UBAC2: variants seen among roughly 807,000 people sequenced by gnomAD.
UBAC2 encodes UBA domain containing 2, also known as ubiquitin-associated domain-containing protein 2.
UBAC2 carries 26 observed loss-of-function variants against 44.0 expected under a neutral mutation model. The ratio of observed to expected loss-of-function variants is 0.59; its 90% confidence interval spans 0.43 to 0.82. The LOEUF (loss-of-function observed/expected upper bound fraction) is 0.82, where lower values mean the gene tolerates loss of function less well. Ranked by LOEUF, UBAC2 falls within the 40% of genes least tolerant of loss-of-function variation. The pLI is 0.00. For missense variants in UBAC2, 329 were observed against 419.4 expected (o/e 0.78, Z 1.88); for synonymous variants, 155 against 154.3 (o/e 1.00, Z -0.04).
intron 1 of UBAC2, among the ~76,000 whole-genome samples, chr13:99,206,600 C>T (rs1449893979): frequency 6.6e-6 from 1 of 152,200 alleles, no homozygotes; most frequent in Non-Finnish European, 1.5e-5. Context: ...GAGCCATGGT[C>T]TCATCCAGAC....
chr13:99,262,068 G>A (rs1443529760), intron 4 of UBAC2, among the ~76,000 whole-genome samples: 1 of 152,202 alleles, frequency 6.6e-6, no homozygotes, highest in Non-Finnish European at 1.5e-5. Context: ...CAGGACATGA[G>A]TCCTCCCTTT....
At chr13:99,268,712 A>G (rs534415698) in intron 4 of UBAC2, among the ~76,000 whole-genome samples, 141 of 151,850 alleles carry the variant, frequency 9.3e-4, no homozygotes, top group South Asian at 1.0e-3. Flanking sequence ...CTGTAGAGGC[A>G]CTGAATGATA....
intron 1 of UBAC2, among the ~76,000 whole-genome samples, chr13:99,205,426 C>T (rs1282915838): frequency 6.6e-6 from 1 of 152,132 alleles, no homozygotes; most frequent in African/African-American, 2.4e-5. Context: ...AACGCTGCTC[C>T]TGTCCCAGCT....
chr13:99,278,831 A>G (rs2043917410), intron 4 of UBAC2, among the ~76,000 whole-genome samples: 1 of 152,212 alleles, frequency 6.6e-6, no homozygotes, highest in Admixed American at 6.5e-5. Context: ...CATATAACTC[A>G]GTTGAAATTT....
intron 6 of UBAC2, among the ~76,000 whole-genome samples, chr13:99,327,032 C>T (rs1382650781): frequency 1.3e-5 from 2 of 152,124 alleles, no homozygotes; most frequent in South Asian, 2.1e-4. Context: ...CTATTTTCTT[C>T]GTAATATGAA....
At chr13:99,292,701 A>G (rs2044107478) in intron 4 of UBAC2, among the ~76,000 whole-genome samples, 1 of 129,158 alleles carries the variant, frequency 7.7e-6, no homozygotes, top group Non-Finnish European at 1.6e-5. Context: ...ACTGATCCAA[A>G]CTAAATAGCT....
At chr13:99,290,186 G>T (rs1193476908) in intron 4 of UBAC2, among the ~76,000 whole-genome samples, 1 of 152,184 alleles carries the variant, frequency 6.6e-6, no homozygotes, top group Non-Finnish European at 1.5e-5. Context: ...AAGTGCGACT[G>T]ATAAATAGAA....
intron 4 of UBAC2, among the ~76,000 whole-genome samples, chr13:99,290,772 G>C (rs1457554104): frequency 6.6e-6 from 1 of 151,668 alleles, no homozygotes; most frequent in African/African-American, 2.4e-5. Flanking sequence ...AGAAAAGATA[G>C]GGAAGAGTGC....
chr13:99,317,743 C>T (rs562194591), intron 5 of UBAC2, among the ~76,000 whole-genome samples: 40 of 152,186 alleles, frequency 2.6e-4, no homozygotes, highest in African/African-American at 9.1e-4. Flanking sequence ...TAAATAACAT[C>T]ATACTTGGGT....
At chr13:99,319,970 A>G (rs1441977215) in intron 6 of UBAC2, among the ~76,000 whole-genome samples, 1 of 152,206 alleles carries the variant, frequency 6.6e-6, no homozygotes, top group Non-Finnish European at 1.5e-5. Flanking sequence ...TTCTGTTTTA[A>G]ATATTTTCCA....
At chr13:99,341,022 A>AT (rs2044877126) in intron 7 of UBAC2, among the ~76,000 whole-genome samples, 1 of 104,928 alleles carries the variant, frequency 9.5e-6, no homozygotes, top group Admixed American at 9.0e-5. Flanking sequence ...CAAGGAGTAG[A>AT]TAAAAAAAAA....
At chr13:99,331,644 G>A (rs1228034316) in intron 6 of UBAC2, among the ~76,000 whole-genome samples, 1 of 152,194 alleles carries the variant, frequency 6.6e-6, no homozygotes, top group East Asian at 1.9e-4. Context: ...AACTGCCAAA[G>A]GCACATGGTT....
chr13:99,230,922 G>C (rs992847418), intron 1 of UBAC2, among the ~76,000 whole-genome samples: 1 of 152,082 alleles, frequency 6.6e-6, no homozygotes, highest in African/African-American at 2.4e-5. Context: ...GGTGGCACGT[G>C]CCTGTAGTCC....
rs763603437 is a variant in UBAC2 at position 99,200,954 on chromosome 13, C to T, written c.31+15C>T. ...CAGTGGGCTCTGTGAGTACCGGCCT[C>T]CGCCATCCTGGCTGCCCCCTACACG... On this transcript the variant is annotated intron_variant, in intron 1 of 8. Transcript: ENST00000403766. The T allele has an allele frequency of 7.7e-7, 1 of 1,306,892 alleles. No individual in the cohort carries two copies. The highest frequency in any genetic ancestry group is 9.8e-7 in the Non-Finnish European group (1 of 1,019,736). The allele number at this position is 1,306,892 out of a possible 1,614,324, so 81.0% of individuals were successfully genotyped here.
intron 5 of UBAC2, among the ~76,000 whole-genome samples, chr13:99,317,414 G>T (rs2044507785): frequency 6.6e-6 from 1 of 152,114 alleles, no homozygotes; most frequent in Non-Finnish European, 1.5e-5. Context: ...ACAAAGGGAA[G>T]AATTTCATGA....
At chr13:99,374,220 C>CT (rs531327295) in intron 8 of UBAC2, among the ~76,000 whole-genome samples, 16 of 151,050 alleles carry the variant, frequency 1.1e-4, no homozygotes, top group East Asian at 3.9e-4. Flanking sequence ...CTTCAGGTTG[C>CT]TTTTTTTTTA....
intron 7 of UBAC2, among the ~76,000 whole-genome samples, chr13:99,365,423 TTAATC>T (rs2045317739): frequency 6.6e-6 from 1 of 152,144 alleles, no homozygotes; most frequent in Non-Finnish European, 1.5e-5. Flanking sequence ...TTTTTTTAAT[TTAATC>T]TCAATATTTA....
rs745377931 is a variant in UBAC2 at position 99,385,221 on chromosome 13, C to T, written c.928-7C>T. 5.6e-6 allele frequency: 9 copies of T among 1,611,600 alleles called. No individual in the cohort carries two copies. Among genetic ancestry groups the T allele is most frequent in the Non-Finnish European group, 6.8e-6 (8 of 1,177,802 alleles). ...CCCTCAGGTTTCTGCGTTTTCTCTG[C>T]CTGCAGGTCGCCCGGCTCATGGAGA... On this transcript the variant is annotated splice_polypyrimidine_tract_variant and splice_region_variant and intron_variant, in intron 8 of 8. Coordinates refer to ENST00000403766, the MANE Select transcript of UBAC2 (RefSeq NM_001144072.2).
At chr13:99,331,127 G>A (rs1384469242) in intron 6 of UBAC2, among the ~76,000 whole-genome samples, 1 of 152,210 alleles carries the variant, frequency 6.6e-6, no homozygotes. Context: ...TCGCCTCTCA[G>A]TCTGACCACT....
Sources: allele counts gnomAD v4.1 joint callset (sites outside exome capture counted in the v4.1 genomes callset), GRCh38; gene constraint gnomAD v4.1.1; transcripts MANE v1.5; gene names NCBI Gene and HGNC (gene_info 2026-07-23, HGNC 2026-07-21).